Variants in FAM184A observed in about 807,000 individuals in gnomAD.
FAM184A encodes the protein protein FAM184A.
FAM184A carries 99 observed loss-of-function variants against 143.8 expected under a neutral mutation model. The observed-to-expected ratio is 0.69, with a 90% CI of 0.58 to 0.81. The LOEUF is 0.81. Among genes scored for constraint, FAM184A ranks in the 40% least tolerant of loss-of-function variants. The pLI is 0.00. For synonymous variants in FAM184A, 427 were observed against 446.4 expected (o/e 0.96, Z 0.55); for missense variants, 1,217 against 1,310.5 (o/e 0.93, Z 1.10).
At chr6:119,147,367 G>A (rs1489630759) in intron 1 of FAM184A, among the ~76,000 whole-genome samples, 9 of 126,932 alleles carry the variant, frequency 7.1e-5, no homozygotes, top group Non-Finnish European at 1.2e-4. Flanking sequence ...TCTGACTGGG[G>A]ATAGGGTGGG....
At chr6:119,094,080 CTCTTT>C (rs1002787259) in intron 1 of FAM184A, among the ~76,000 whole-genome samples, 4 of 139,646 alleles carry the variant, frequency 2.9e-5, no homozygotes, top group African/African-American at 5.3e-5. Context: ...CTTTCTCTCT[CTCTTT>C]TCTTTTCTTT....
chr6:119,054,284 A>C (rs1786877951), intron 1 of FAM184A, among the ~76,000 whole-genome samples: 1 of 152,228 alleles, frequency 6.6e-6, no homozygotes. Context: ...GAATTGTTTT[A>C]GTCTGTTTGG....
intron 1 of FAM184A, among the ~76,000 whole-genome samples, chr6:119,087,363 A>G (rs996643444): frequency 6.6e-6 from 1 of 152,248 alleles, no homozygotes; most frequent in Non-Finnish European, 1.5e-5. Flanking sequence ...TAATATCCAG[A>G]GCATATAAAG....
intron 7 of FAM184A, among the ~76,000 whole-genome samples, chr6:119,004,053 C>T (rs1305148173): frequency 2.0e-5 from 3 of 152,180 alleles, no homozygotes; most frequent in Admixed American, 2.0e-4. Context: ...GTACCTGACA[C>T]CATAAAAATA....
intron 1 of FAM184A, among the ~76,000 whole-genome samples, chr6:119,072,221 G>T (rs1236368187): frequency 6.6e-6 from 1 of 152,138 alleles, no homozygotes; most frequent in Non-Finnish European, 1.5e-5. Context: ...TTATAAGTTT[G>T]TGACCAGTTA....
intron 9 of FAM184A, among the ~76,000 whole-genome samples, chr6:118,988,002 AAAGCAGTGATGTTGTT>A (rs1426045078): frequency 3.3e-5 from 5 of 152,216 alleles, no homozygotes; most frequent in African/African-American, 1.2e-4. Flanking sequence ...TTGAAGCTTT[AAAGCAGTGATGTTGTT>A]TATGCAAAAT....
intron 1 of FAM184A, among the ~76,000 whole-genome samples, chr6:119,093,995 TCCCTC>T (rs892526423): frequency 5.3e-5 from 5 of 94,612 alleles, no homozygotes; most frequent in East Asian, 6.8e-4. Flanking sequence ...CCTCCCTCCC[TCCCTC>T]CCCTCCCCTC....
chr6:119,005,803 T>C (rs1784899538), intron 7 of FAM184A: 1 of 365,816 alleles, frequency 2.7e-6, no homozygotes, highest in Non-Finnish European at 5.0e-6. Context: ...TCTAAGACAA[T>C]CTAAATCTTT....
rs1457161469 is a variant in FAM184A, at chr6:119,078,336, C to A, written c.-37G>T. On this transcript the variant is annotated 5_prime_UTR_variant, in exon 1 of 18. Transcript: ENST00000338891. This position sits in a 1 kb window ranked among gnomAD's most constrained non-coding sequence, Gnocchi z 5.5. ...ACCCCAGCCGGGGCACCTGTCCCCGCGGGTGGAGGCAGGCCCGTGGAGCAA... is the reference window on the plus strand; with the variant it reads ...ACCCCAGCCGGGGCACCTGTCCCCGAGGGTGGAGGCAGGCCCGTGGAGCAA... The A allele has an allele frequency of 4.2e-6, 6 of 1,419,196 alleles. No homozygotes were observed. The African/African-American group carries it at 9.0e-5, about 21-fold the overall frequency. The allele number at this position is 1,419,196 out of a possible 1,614,324, so 87.9% of individuals were successfully genotyped here.
At chr6:119,121,532 T>C (rs899968810) in intron 1 of FAM184A, among the ~76,000 whole-genome samples, 1 of 152,184 alleles carries the variant, frequency 6.6e-6, no homozygotes, top group African/African-American at 2.4e-5. Flanking sequence ...GTCCCTGAAA[T>C]TGCATAATCC....
intron 1 of FAM184A, among the ~76,000 whole-genome samples, chr6:119,027,854 A>T (rs555636784): frequency 3.0e-4 from 45 of 152,176 alleles, no homozygotes; most frequent in Non-Finnish European, 5.7e-4. Context: ...CTTCCTGAGG[A>T]ACTTAGAGAA....
At chr6:119,143,736 T>C (rs1210294400) in intron 1 of FAM184A, among the ~76,000 whole-genome samples, 10 of 152,216 alleles carry the variant, frequency 6.6e-5, no homozygotes, top group Non-Finnish European at 1.3e-4. Context: ...ACGATCCCAC[T>C]TGGATGAGAG....
intron 6 of FAM184A, among the ~76,000 whole-genome samples, chr6:119,008,261 G>T (rs2114652239): frequency 6.6e-6 from 1 of 152,262 alleles, no homozygotes; most frequent in South Asian, 2.1e-4. Flanking sequence ...TTAAACTCCA[G>T]AATGAAGTGC....
intron 3 of FAM184A, 42 bp downstream of exon 3, chr6:119,022,903 A>T: frequency 6.2e-7 from 1 of 1,610,216 alleles, no homozygotes; most frequent in East Asian, 2.2e-5. Flanking sequence ...TAAAGTGTTG[A>T]TTTTAGCTAA....
chr6:119,049,913 G>GA (rs1562128078), intron 1 of FAM184A, among the ~76,000 whole-genome samples: 2 of 152,156 alleles, frequency 1.3e-5, no homozygotes, highest in Admixed American at 6.5e-5. Context: ...CAGAATGGGA[G>GA]AAAATTCTTG....
intron 1 of FAM184A, among the ~76,000 whole-genome samples, chr6:119,140,838 T>A (rs1772210146): frequency 2.0e-5 from 3 of 152,362 alleles, no homozygotes; most frequent in South Asian, 4.1e-4. Flanking sequence ...TTATTTTGCA[T>A]CGTGGTCTAC....
chr6:118,989,693 TTTA>T (rs1394465260), intron 9 of FAM184A, among the ~76,000 whole-genome samples: 3 of 151,864 alleles, frequency 2.0e-5, no homozygotes, highest in African/African-American at 7.2e-5. Flanking sequence ...TACTTTTTAC[TTTA>T]TTCTTTCTCA....
chr6:119,078,403 C>T lies in FAM184A; in HGVS notation c.-104G>A, dbSNP rs977196063. ...AGAGTCGCGGCGGCCGCTTCCCGAC[C>T]CGACACCCGGCGCCCCCCAGACTCG... On this transcript the variant is annotated 5_prime_UTR_variant, in exon 1 of 18. Coordinates refer to ENST00000338891, the MANE Select transcript of FAM184A (RefSeq NM_024581.6). The surrounding 1 kb of genome is among the most constrained non-coding windows in gnomAD (Gnocchi z 5.5). 4 of 1,190,414 alleles carry T rather than the reference C, an allele frequency of 3.4e-6. No individual in the cohort carries two copies. The highest frequency in any genetic ancestry group is 4.4e-6 in the Non-Finnish European group (4 of 908,584). The allele number at this position is 1,190,414 out of a possible 1,614,324, so 73.7% of individuals were successfully genotyped here. A position where few individuals can be genotyped will look rare whatever the true frequency, so the allele number is the denominator to read the frequency against.
intron 1 of FAM184A, among the ~76,000 whole-genome samples, chr6:119,032,502 A>C: frequency 7.2e-6 from 1 of 138,340 alleles, no homozygotes; most frequent in Admixed American, 7.3e-5. Context: ...GGAGAGGGAG[A>C]GGGAAGAGGG....
Sources: allele counts gnomAD v4.1 joint callset (sites outside exome capture counted in the v4.1 genomes callset), GRCh38; gene constraint gnomAD v4.1.1; non-coding constraint Gnocchi (gnomAD v3.1); transcripts MANE v1.5; gene names NCBI Gene and HGNC (gene_info 2026-07-23, HGNC 2026-07-21).